The following TAFA2 variants were observed in gnomAD, a reference collection of about 807,000 sequenced individuals.
The protein encoded by TAFA2 is chemokine-like protein TAFA-2.
Under a neutral mutation model 18.8 loss-of-function variants are expected in TAFA2, and 7 were observed. The observed-to-expected ratio is 0.37, with a 90% CI of 0.21 to 0.70. The LOEUF (loss-of-function observed/expected upper bound fraction) is 0.70. Ranked by LOEUF, TAFA2 falls within the 30% of genes least tolerant of loss-of-function variation. The probability of loss-of-function intolerance (pLI) is 0.53; values close to 1 mark genes in which losing one functional copy is unlikely to be tolerated. For missense variants in TAFA2, 122 were observed against 158.1 expected, an observed-to-expected ratio of 0.77 and a Z score of 1.23; for synonymous variants, 60 against 54.2, an observed-to-expected ratio of 1.11 and a Z score of -0.47.
chr12:62,153,540 C>T (rs112627007), intron 1 of TAFA2, among the ~76,000 whole-genome samples: 7,209 of 151,960 alleles, frequency 0.047, 256 homozygotes, highest in Non-Finnish European at 0.073. Context: ...TGTGATAACG[C>T]GCAACTGTCA....
intron 1 of TAFA2, among the ~76,000 whole-genome samples, chr12:62,106,137 AG>A (rs1869439712): frequency 6.6e-6 from 1 of 152,042 alleles, no homozygotes; most frequent in African/African-American, 2.4e-5. Flanking sequence ...GTTTGAGACC[AG>A]CCTGGCCAAC....
At chr12:61,729,469 T>G (rs1870335920) in intron 4 of TAFA2, among the ~76,000 whole-genome samples, 1 of 151,952 alleles carries the variant, frequency 6.6e-6, no homozygotes, top group Non-Finnish European at 1.5e-5. Flanking sequence ...GAAAGCCTTG[T>G]CTTGGAGCCC....
At chr12:61,880,374 C>T (rs575157787) in intron 1 of TAFA2, 57 of 525,676 alleles carry the variant, frequency 1.1e-4, no homozygotes, top group Non-Finnish European at 1.8e-4. Context: ...GATGCCAACA[C>T]CAAGCTGTTG....
intron 1 of TAFA2, among the ~76,000 whole-genome samples, chr12:62,038,212 C>CA (rs1881661899): frequency 6.6e-6 from 1 of 152,034 alleles, no homozygotes; most frequent in African/African-American, 2.4e-5. Context: ...ATATTGTATT[C>CA]AAGATTTTTG....
chr12:62,017,228 G>GT (rs1041166984), intron 1 of TAFA2, among the ~76,000 whole-genome samples: 1 of 129,676 alleles, frequency 7.7e-6, no homozygotes, highest in African/African-American at 2.9e-5. Context: ...GAGTTAATGC[G>GT]TAAAAAAAAA....
chr12:62,057,134 T>G (rs150140573), intron 1 of TAFA2, among the ~76,000 whole-genome samples: 71 of 152,346 alleles, frequency 4.7e-4, no homozygotes, highest in Non-Finnish European at 8.8e-5. Flanking sequence ...GGGAAGATTT[T>G]TACTGATTTA....
At chr12:62,110,178 T>C (rs887093368) in intron 1 of TAFA2, among the ~76,000 whole-genome samples, 1 of 152,234 alleles carries the variant, frequency 6.6e-6, no homozygotes, top group African/African-American at 2.4e-5. Flanking sequence ...TTGAGAGTTT[T>C]TAGCATGAAG....
chr12:62,022,610 C>A (rs901150808), intron 1 of TAFA2, among the ~76,000 whole-genome samples: 1 of 152,144 alleles, frequency 6.6e-6, no homozygotes, highest in East Asian at 1.9e-4. Flanking sequence ...CAATTCTTGT[C>A]GAACTGGGTA....
intron 1 of TAFA2, among the ~76,000 whole-genome samples, chr12:62,148,495 G>A (rs2062303641): frequency 6.6e-6 from 1 of 152,120 alleles, no homozygotes; most frequent in African/African-American, 2.4e-5. Flanking sequence ...TAAACATTCA[G>A]TACACACAGA....
At chr12:62,117,931 C>T (rs1870030593) in intron 1 of TAFA2, among the ~76,000 whole-genome samples, 1 of 152,046 alleles carries the variant, frequency 6.6e-6, no homozygotes, top group South Asian at 2.1e-4. Context: ...TAATCCGTGG[C>T]TTATAACATA....
chr12:62,230,467 C>A (rs2062807615), intron 1 of TAFA2, among the ~76,000 whole-genome samples: 1 of 151,742 alleles, frequency 6.6e-6, no homozygotes, highest in Non-Finnish European at 1.5e-5. Context: ...CTTCATCAGC[C>A]CCTTGATCAT....
At chr12:61,890,013 A>T (rs1875557884) in intron 1 of TAFA2, among the ~76,000 whole-genome samples, 1 of 152,234 alleles carries the variant, frequency 6.6e-6, no homozygotes, top group Non-Finnish European at 1.5e-5. Flanking sequence ...AAAATCCAAA[A>T]TGAACACCAA....
At chr12:62,156,723 G>T (rs1487086218) in intron 1 of TAFA2, among the ~76,000 whole-genome samples, 1 of 152,108 alleles carries the variant, frequency 6.6e-6, no homozygotes, top group African/African-American at 2.4e-5. Flanking sequence ...GACATCATAT[G>T]CTCTCACTGA....
intron 1 of TAFA2, among the ~76,000 whole-genome samples, chr12:62,237,851 G>C (rs771877852): frequency 5.3e-5 from 8 of 152,316 alleles, no homozygotes; most frequent in African/African-American, 1.9e-4. Flanking sequence ...GGGATACCCT[G>C]ATTGTGTGGG....
chr12:61,855,182 G>A (rs1159630571), intron 2 of TAFA2, among the ~76,000 whole-genome samples: 1 of 152,110 alleles, frequency 6.6e-6, no homozygotes, highest in East Asian at 1.9e-4. Flanking sequence ...TTTCTCTCCA[G>A]TTATTTTCCC....
chr12:61,967,966 G>A (rs1392978300), intron 1 of TAFA2, among the ~76,000 whole-genome samples: 1 of 151,674 alleles, frequency 6.6e-6, no homozygotes, highest in Non-Finnish European at 1.5e-5. Flanking sequence ...GTAATGTTAT[G>A]GTGTTCAACC....
chr12:62,073,431 T>C (rs1882684071), intron 1 of TAFA2, among the ~76,000 whole-genome samples: 2 of 151,176 alleles, frequency 1.3e-5, no homozygotes, highest in Non-Finnish European at 3.0e-5. Context: ...GTTATTATCT[T>C]ATCTATATAT....
intron 1 of TAFA2, among the ~76,000 whole-genome samples, chr12:61,977,894 G>A (rs1002647805): frequency 2.2e-5 from 3 of 136,300 alleles, no homozygotes; most frequent in Admixed American, 8.0e-5. Context: ...GATTGTGAAG[G>A]GGAGAGGATA....
At chr12:61,722,318 T>C (rs1869944163) in intron 4 of TAFA2, among the ~76,000 whole-genome samples, 1 of 152,196 alleles carries the variant, frequency 6.6e-6, no homozygotes, top group Non-Finnish European at 1.5e-5. Context: ...GGCCCCTGTT[T>C]TCTTATCACT....
Sources: gnomAD v4.1 joint callset for allele counts (sites outside exome capture counted in the v4.1 genomes callset) on GRCh38, gnomAD v4.1.1 for gene constraint, MANE v1.5 for transcripts, NCBI Gene and HGNC (gene_info 2026-07-23, HGNC 2026-07-21) for gene names.